AREL1: variants seen among roughly 807,000 people sequenced by gnomAD.
The protein encoded by AREL1 is apoptosis-resistant E3 ubiquitin protein ligase 1.
In AREL1, 62 loss-of-function variants were observed where a neutral mutation model predicts 99.0. That is an observed-to-expected ratio of 0.63 (90% CI 0.51 to 0.77). The LOEUF (loss-of-function observed/expected upper bound fraction) is 0.77, where lower values mean the gene tolerates loss of function less well. AREL1 is among the 30% of genes least tolerant of loss of function. The probability of loss-of-function intolerance (pLI) is 0.00; values close to 1 mark genes in which losing one functional copy is unlikely to be tolerated. For synonymous variants in AREL1, 380 were observed against 376.5 expected (o/e 1.01, Z -0.11); for missense variants, 879 against 1,027.6 (o/e 0.86, Z 1.98).
intron 11 of AREL1, chr14:74,671,884 T>C (rs766786700): frequency 1.1e-5 from 4 of 357,440 alleles, no homozygotes; most frequent in South Asian, 4.1e-5. Flanking sequence ...CCACTAGACA[T>C]ATTTATCCAC....
At chr14:74,705,249 G>C (rs1343410978) in intron 1 of AREL1, among the ~76,000 whole-genome samples, 1 of 152,294 alleles carries the variant, frequency 6.6e-6, no homozygotes, top group East Asian at 1.9e-4. Context: ...ATGTTGGTCA[G>C]GCTGGTCTCG....
rs3759742 is a variant in AREL1 at position 74,709,121 on chromosome 14, T to C, written c.-334+3812A>G. Reference sequence around the variant, plus strand: ...AAATAACTGAAATTTAAACCCAAGTTAGTTAATAGCTAAAGTCATTTAAAA... The same window carrying C: ...AAATAACTGAAATTTAAACCCAAGTCAGTTAATAGCTAAAGTCATTTAAAA... On this transcript the variant is annotated intron_variant, in intron 1 of 19. Transcript: ENST00000356357. Among the ~76,000 whole-genome samples the C allele has an allele frequency of 6.1e-3, 922 of 152,320 alleles. 8 individuals are homozygous for C. Among genetic ancestry groups the C allele is most frequent in the South Asian group, 0.029 (141 of 4,830 alleles).
At chr14:74,672,157 A>T (rs1284550151) in intron 11 of AREL1, 1 of 297,870 alleles carries the variant, frequency 3.4e-6, no homozygotes, top group African/African-American at 2.2e-5. Flanking sequence ...CAGGGATTCA[A>T]TAACAAGAAG....
In AREL1 at chr14:74,669,768, C is replaced by G. The variant is rs1308955081; in HGVS notation, c.1795G>C (p.Glu599Gln). 3.1e-6 allele frequency: 5 copies of G among 1,614,106 alleles called. No individual in the cohort carries two copies. The East Asian group carries it at 1.1e-4, about 36-fold the overall frequency. ...TTGTAGAATTCTGGGTCATCTGTTT[C>G]AAAGTACTGAGGAGGCAGAAAGACA... ...IGLRMHYKYF[E>Q]TDDPEFYKSK... Residue 599 changes from glutamate to glutamine, a missense_variant, in exon 15 of 20, where the codon GAA becomes CAA. By Grantham distance (29) the Glu-to-Gln change is conservative. Transcript: ENST00000356357.
At chr14:74,695,654 G>A (rs559932333) in intron 1 of AREL1, among the ~76,000 whole-genome samples, 1 of 152,216 alleles carries the variant, frequency 6.6e-6, no homozygotes, top group East Asian at 1.9e-4. Context: ...CTCCTCTGCT[G>A]AAGATACCTC....
chr14:74,692,383 A>G (rs2089901576), intron 1 of AREL1, 55 bp from the exon 2 acceptor site: 1 of 368,690 alleles, frequency 2.7e-6, no homozygotes, highest in Admixed American at 4.1e-5. Flanking sequence ...TCTGAAAAGG[A>G]TTCCCCAGAA....
chr14:74,693,339 A>G (rs1280850048), intron 1 of AREL1, among the ~76,000 whole-genome samples: 1 of 152,256 alleles, frequency 6.6e-6, no homozygotes, highest in African/African-American at 2.4e-5. Flanking sequence ...ACTACGAGTC[A>G]GGGGAAAATC....
intron 1 of AREL1, among the ~76,000 whole-genome samples, chr14:74,696,279 C>G (rs2089977652): frequency 6.6e-6 from 1 of 152,222 alleles, no homozygotes; most frequent in African/African-American, 2.4e-5. Context: ...GTTCTACCAT[C>G]TCTTCTTAGG....
intron 5 of AREL1, among the ~76,000 whole-genome samples, chr14:74,679,767 G>A (rs1594764479): frequency 2.0e-5 from 3 of 152,012 alleles, no homozygotes; most frequent in Admixed American, 6.6e-5. Context: ...GGCGGAGGTC[G>A]CAGTGAGCTG....
Position 74,661,334 on chromosome 14 carries a change from TG to T in AREL1, c.*2385del, listed in dbSNP as rs2089072100. 4.4e-6 allele frequency: 2 copies of T among 456,276 alleles called. No individual in the cohort carries two copies. Among genetic ancestry groups the T allele is most frequent in the Non-Finnish European group, 8.8e-6 (2 of 226,756 alleles). The allele number at this position is 456,276 out of a possible 1,614,324, so 28.3% of individuals were successfully genotyped here. On this transcript the variant is annotated 3_prime_UTR_variant, in exon 20 of 20. Transcript: ENST00000356357. ...AACTGCCTGGCCCTTTCACCTGGCC[TG>T]ACGAATCTGCAGCAGGGCTTGGTCT...
At chr14:74,676,060 T>G in intron 7 of AREL1, 81 bp downstream of exon 7, 1 of 1,556,324 alleles carries the variant, frequency 6.4e-7, no homozygotes, top group Non-Finnish European at 8.7e-7. Context: ...ATCAAATGTT[T>G]GTGAGGTCAG....
At chr14:74,681,771 A>C (rs567986840) in intron 5 of AREL1, among the ~76,000 whole-genome samples, 26 of 149,062 alleles carry the variant, frequency 1.7e-4, no homozygotes, top group Non-Finnish European at 3.0e-4. Context: ...GCCATCAAAA[A>C]AAAAAAGAAA....
At chr14:74,679,814 C>T (rs2089587585) in intron 5 of AREL1, among the ~76,000 whole-genome samples, 1 of 150,984 alleles carries the variant, frequency 6.6e-6, no homozygotes, top group Non-Finnish European at 1.5e-5. Flanking sequence ...GGCGTCAGAA[C>T]GAGACTCCAT....
Position 74,667,562 on chromosome 14 carries a change from A to T in AREL1, c.1947T>A (p.Thr649=). The change falls in exon 16 of 20, where the codon ACT becomes ACA. Residue 649 remains threonine (T), a synonymous_variant. Transcript: ENST00000356357. Reference sequence around the variant, plus strand: ...AGATTTTATTCGCATTGGTGACTGGAGTTTGAGCTCCACCTGTCATGAGTT... The same window carrying T: ...AGATTTTATTCGCATTGGTGACTGGTGTTTGAGCTCCACCTGTCATGAGTT... ...VVELMTGGAQ[T]PVTNANKIFY... is the part of the protein sequence containing the mutation. The T allele has an allele frequency of 6.2e-7, 1 of 1,613,546 alleles. No individual in the cohort carries two copies. Among genetic ancestry groups the T allele is most frequent in the Non-Finnish European group, 8.5e-7 (1 of 1,179,704 alleles).
rs2089486806 is a variant in AREL1 at position 74,676,688 on chromosome 14, C to T, written c.546G>A (p.Gly182=). The T allele has an allele frequency of 6.2e-7, 1 of 1,613,922 alleles. No individual in the cohort carries two copies. The highest frequency in any genetic ancestry group is 8.5e-7 in the Non-Finnish European group (1 of 1,179,916). Residue 182 remains glycine (G), a synonymous_variant, in exon 6 of 20, where the codon GGG becomes GGA. Coordinates refer to ENST00000356357, the MANE Select transcript of AREL1 (RefSeq NM_001039479.2). The part of the protein sequence containing the change: ...CHFSTLVLTC[G]QPHTLQIVPR... The stretch of plus-strand genomic sequence containing the variant: ...GTACTATTTGAAGGGTGTGCGGCTG[C>T]CCACAGGTCAATACAAGAGTAGAAA...
intron 18 of AREL1, 94 bp from the exon 19 acceptor site, chr14:74,664,168 T>A (rs2089154852): frequency 8.7e-6 from 12 of 1,373,998 alleles, no homozygotes; most frequent in South Asian, 1.4e-5. Flanking sequence ...AGTGGGGCTG[T>A]GCCCCAGTTA....
In AREL1 at chr14:74,664,849, T is replaced by C. The variant is rs758256015; in HGVS notation, c.2180A>G (p.His727Arg). ...TGGTCCATTTACCTTTTCTCTGAAATGCCATGAGCCACCAACAACTACTGC... is the reference window on the plus strand; with the variant it reads ...TGGTCCATTTACCTTTTCTCTGAAACGCCATGAGCCACCAACAACTACTGC... ...AHAVVVGGSW[H>R]FREKVMRWFW... Residue 727 changes from histidine to arginine, a missense_variant, in exon 18 of 20, where the codon CAT becomes CGT. Coordinates refer to ENST00000356357, the MANE Select transcript of AREL1 (RefSeq NM_001039479.2). The C allele has an allele frequency of 6.2e-7, 1 of 1,613,600 alleles. No individual in the cohort carries two copies. Among genetic ancestry groups the C allele is most frequent in the Non-Finnish European group, 8.5e-7 (1 of 1,179,678 alleles).
chr14:74,699,811 T>A (rs193175157), intron 1 of AREL1, among the ~76,000 whole-genome samples: 1 of 152,304 alleles, frequency 6.6e-6, no homozygotes, highest in East Asian at 1.9e-4. Flanking sequence ...TTGCCTCATA[T>A]GTAAAATGGA....
chr14:74,670,533 T>C (rs1030118933), intron 13 of AREL1: 12 of 517,000 alleles, frequency 2.3e-5, no homozygotes, highest in Non-Finnish European at 3.4e-5. Context: ...CATTATACTA[T>C]AATGTTTTTA....
Sources: gnomAD v4.1 joint callset for allele counts (sites outside exome capture counted in the v4.1 genomes callset) on GRCh38, gnomAD v4.1.1 for gene constraint, MANE v1.5 for transcripts, NCBI Gene and HGNC (gene_info 2026-07-23, HGNC 2026-07-21) for gene names.